The following SYT1 variants were observed in gnomAD, a reference collection of about 807,000 sequenced individuals.
SYT1 encodes synaptotagmin 1.
In SYT1, 8 loss-of-function variants were observed where a neutral mutation model predicts 44.8. That is an observed-to-expected ratio of 0.18 (90% confidence interval 0.10 to 0.32). SYT1 has a LOEUF of 0.32. SYT1 is among the 10% of genes least tolerant of loss of function. SYT1 has a pLI of 1.00. For synonymous variants in SYT1, 154 were observed against 188.8 expected, an observed-to-expected ratio of 0.82 and a Z score of 1.51; for missense variants, 286 against 509.3, an observed-to-expected ratio of 0.56 and a Z score of 4.22.
At chr12:79,205,609 A>C (rs1351432443) in intron 3 of SYT1, among the ~76,000 whole-genome samples, 2 of 152,182 alleles carry the variant, frequency 1.3e-5, no homozygotes, top group Non-Finnish European at 2.9e-5. Context: ...GAAAATGTTC[A>C]GGTTTGTATA....
At chr12:79,285,721 C>G in intron 4 of SYT1, 66 bp from the exon 5 acceptor site, 1 of 1,221,962 alleles carries the variant, frequency 8.2e-7, no homozygotes, top group Non-Finnish European at 1.2e-6. Flanking sequence ...CTTTATAGCC[C>G]ATGAGTTAAA....
chr12:79,122,472 C>T (rs796510559), intron 3 of SYT1, among the ~76,000 whole-genome samples: 105 of 132,874 alleles, frequency 7.9e-4, no homozygotes, highest in African/African-American at 2.9e-3. Context: ...CGAGATCGCG[C>T]CACTGCACTC....
At chr12:79,206,786 A>T (rs1352315262) in intron 3 of SYT1, among the ~76,000 whole-genome samples, 2 of 152,266 alleles carry the variant, frequency 1.3e-5, no homozygotes, top group African/African-American at 2.4e-5. Flanking sequence ...TTTGTTTCTC[A>T]TAATACTTTC....
At chr12:79,101,300 G>A (rs1878431628) in intron 3 of SYT1, among the ~76,000 whole-genome samples, 1 of 152,232 alleles carries the variant, frequency 6.6e-6, no homozygotes, top group South Asian at 2.1e-4. Flanking sequence ...GACTTAAAAA[G>A]GAACAAATTT....
intron 4 of SYT1, among the ~76,000 whole-genome samples, chr12:79,275,775 G>C (rs1878682645): frequency 6.6e-6 from 1 of 152,276 alleles, no homozygotes; most frequent in Non-Finnish European, 1.5e-5. Context: ...CCTGAAGGCT[G>C]AACTGTTCAA....
chr12:79,342,165 T>C (rs1592982785), intron 8 of SYT1, among the ~76,000 whole-genome samples: 1 of 152,190 alleles, frequency 6.6e-6, no homozygotes, highest in African/African-American at 2.4e-5. Flanking sequence ...TAAATGATCA[T>C]AAGAATTTGG....
intron 4 of SYT1, among the ~76,000 whole-genome samples, chr12:79,245,305 A>C (rs1876767712): frequency 5.9e-5 from 1 of 16,924 alleles, no homozygotes; most frequent in Non-Finnish European, 1.1e-4. Context: ...GTCTCTACAA[A>C]AAAAAAAAAA....
At chr12:78,951,931 T>G (rs1878989479) in intron 1 of SYT1, among the ~76,000 whole-genome samples, 1 of 152,130 alleles carries the variant, frequency 6.6e-6, no homozygotes, top group South Asian at 2.1e-4. Flanking sequence ...AGCTCCAGCT[T>G]TCGAAGGAGA....
chr12:78,963,295 G>A (rs763816003), intron 1 of SYT1, among the ~76,000 whole-genome samples: 5 of 151,694 alleles, frequency 3.3e-5, no homozygotes, highest in South Asian at 2.1e-4. Context: ...ATAAAATTAC[G>A]GGCAACAAAA....
At chr12:79,013,589 C>T (rs1432484963) in intron 2 of SYT1, among the ~76,000 whole-genome samples, 4 of 152,176 alleles carry the variant, frequency 2.6e-5, no homozygotes, top group African/African-American at 9.7e-5. Context: ...AAGCATATTT[C>T]ACTATATTTC....
intron 3 of SYT1, among the ~76,000 whole-genome samples, chr12:79,074,696 G>C (rs1246793702): frequency 6.6e-6 from 1 of 152,036 alleles, no homozygotes; most frequent in Non-Finnish European, 1.5e-5. Context: ...CCTGTACCCT[G>C]CTATTATCAT....
At chr12:78,892,840 T>C (rs538857040) in intron 1 of SYT1, among the ~76,000 whole-genome samples, 46 of 151,918 alleles carry the variant, frequency 3.0e-4, no homozygotes, top group African/African-American at 1.1e-3. Flanking sequence ...TTACACAATA[T>C]TGTTGAAATA....
At chr12:78,941,065 C>CTTTTTTTTTTTTTTTTTTTTTTTTTT (rs398044555) in intron 1 of SYT1, among the ~76,000 whole-genome samples, 19 of 68,444 alleles carry the variant, frequency 2.8e-4, no homozygotes, top group Middle Eastern at 0.011. Context: ...CTTTTTTTTT[C>CTTTTTTTTTTTTTTTTTTTTTTTTTT]TTTTTTTTTT....
In SYT1 at chr12:78,951,081, G is replaced by A. The variant is rs149627712; in HGVS notation, c.-216-26718G>A. ...GAGGCAATCCTCTACATAAATGAAC[G>A]TATGTATTCTCTCCAGAGTGATAGT... On this transcript the variant is annotated intron_variant, in intron 1 of 10. Transcript: ENST00000261205. 5.9e-5 allele frequency among the ~76,000 whole-genome samples: 9 copies of A among 152,216 alleles called. No individual in the cohort carries two copies. The East Asian group carries it at 1.3e-3, about 23-fold the overall frequency.
intron 1 of SYT1, among the ~76,000 whole-genome samples, chr12:78,927,040 G>A (rs1480524513): frequency 1.3e-5 from 2 of 152,030 alleles, no homozygotes; most frequent in Non-Finnish European, 2.9e-5. Flanking sequence ...TTACTGATTG[G>A]TTAGTACCCT....
chr12:79,044,935 C>A (rs575950140), intron 2 of SYT1, among the ~76,000 whole-genome samples: 6 of 152,086 alleles, frequency 3.9e-5, no homozygotes, highest in Non-Finnish European at 2.9e-5. Context: ...CCAGTTAGGC[C>A]GCTCGGGGGT....
intron 1 of SYT1, among the ~76,000 whole-genome samples, chr12:78,950,307 T>A (rs947560649): frequency 1.3e-5 from 2 of 152,108 alleles, no homozygotes; most frequent in Non-Finnish European, 2.9e-5. Context: ...ATAATTCAAT[T>A]GAATAATCCT....
chr12:79,272,843 A>G (rs1478625090), intron 4 of SYT1, among the ~76,000 whole-genome samples: 1 of 152,194 alleles, frequency 6.6e-6, no homozygotes, highest in Non-Finnish European at 1.5e-5. Flanking sequence ...ACATGAAAAT[A>G]AAAGCAGAAG....
chr12:78,865,140 C>T (rs373526860), intron 1 of SYT1, 31 bp downstream of exon 1: 12 of 152,390 alleles, frequency 7.9e-5, no homozygotes, highest in African/African-American at 2.9e-4. Context: ...GCGCGGCCAC[C>T]TCGGCGGTGC....
Sources: gnomAD v4.1 joint callset for allele counts (sites outside exome capture counted in the v4.1 genomes callset) on GRCh38, gnomAD v4.1.1 for gene constraint, MANE v1.5 for transcripts, NCBI Gene and HGNC (gene_info 2026-07-23, HGNC 2026-07-21) for gene names.